The following LRRC45 variants were observed in gnomAD, a reference collection of about 807,000 sequenced individuals.
LRRC45 encodes leucine-rich repeat-containing protein 45.
In LRRC45, 73 loss-of-function variants were observed where a neutral mutation model predicts 85.4. That is an observed-to-expected ratio of 0.85 (90% CI 0.71 to 1.04). LRRC45 has a LOEUF of 1.04. Among genes scored for constraint, LRRC45 ranks in the 50% least tolerant of loss-of-function variants. LRRC45 has a pLI of 0.00. For missense variants in LRRC45, 937 were observed against 883.3 expected (o/e 1.06, Z -0.77); for synonymous variants, 429 against 386.0 (o/e 1.11, Z -1.31).
chr17:82,027,139 C>T (rs1165979960), intron 6 of LRRC45, 128 bp downstream of exon 6: 3 of 925,038 alleles, frequency 3.2e-6, no homozygotes, highest in Non-Finnish European at 5.0e-6. Context: ...CTCTGAGTGG[C>T]TGGTACCAGG....
Position 82,028,694 on chromosome 17 carries a change from C to T in LRRC45, c.1308+11C>T, listed in dbSNP as rs534518680. Reference sequence around the variant, plus strand: ...CTGCGCATCAAGGAGGTGCCCTCTTCGTTGGCCTCTAATGCGCCTCAGTCT... The same window carrying T: ...CTGCGCATCAAGGAGGTGCCCTCTTTGTTGGCCTCTAATGCGCCTCAGTCT... On this transcript the variant is annotated intron_variant, in intron 12 of 16. Coordinates refer to ENST00000306688, the MANE Select transcript of LRRC45 (RefSeq NM_144999.4). 2.6e-5 allele frequency: 42 copies of T among 1,608,852 alleles called. No homozygotes were observed. Among genetic ancestry groups the T allele is most frequent in the Admixed American group, 3.4e-5 (2 of 59,568 alleles).
In LRRC45 at chr17:82,030,777, C is replaced by A; in HGVS notation, c.1985C>A (p.Pro662His). Residue 662 changes from proline (P) to histidine (H), a missense_variant, in exon 17 of 17, where the codon CCC becomes CAC. By Grantham distance (77) the Pro-to-His change is moderately conservative. Coordinates refer to ENST00000306688, the MANE Select transcript of LRRC45 (RefSeq NM_144999.4). ...GTCCTGGCTTACGTGCAGGCGTCCCCCGTGAGGACCCTGAGCCCCCCAAAG... is the reference window on the plus strand; with the variant it reads ...GTCCTGGCTTACGTGCAGGCGTCCCACGTGAGGACCCTGAGCCCCCCAAAG... ...NAVLAYVQAS[P>H]VRTLSPPK The A allele has an allele frequency of 7.0e-7, 1 of 1,420,476 alleles. No individual in the cohort carries two copies. 88.0% of individuals were successfully genotyped at this position (1,420,476 alleles called of 1,614,324 possible).
At chr17:82,030,583 C>T in intron 16 of LRRC45, 26 bp from the exon 17 acceptor site, 1 of 1,460,686 alleles carries the variant, frequency 6.8e-7, no homozygotes, top group Non-Finnish European at 9.0e-7. Flanking sequence ...GGGCTGCGTC[C>T]GCTCACTGCG....
chr17:82,030,076 G>T lies in LRRC45; in HGVS notation c.1506G>T (p.Leu502=). The change falls in exon 15 of 17, where the codon CTG becomes CTT. Residue 502 remains leucine, a synonymous_variant. Transcript: ENST00000306688. ...SQARLEEQQR[L]AHLEDKLRLL... ...CCCTGTGCTCACAGCAACAGCGCCT[G>T]GCTCACCTGGAGGACAAGCTGAGAC... 6.5e-7 allele frequency: 1 copy of T among 1,545,094 alleles called. No homozygotes were observed. Among genetic ancestry groups the T allele is most frequent in the South Asian group, 1.2e-5 (1 of 83,966 alleles).
chr17:82,030,310 G>C lies in LRRC45; in HGVS notation c.1669-9G>C. On this transcript the variant is annotated splice_polypyrimidine_tract_variant and intron_variant, in intron 15 of 16. Transcript: ENST00000306688. ...CCTCGCCTCACTCCCCAGCCTTCGT[G>C]CCTGGCAGGAGCTGAGCCTCAAGGA... The C allele has an allele frequency of 6.5e-7, 1 of 1,547,926 alleles. No individual in the cohort carries two copies.
chr17:82,029,030 C>G (rs190973549), intron 12 of LRRC45, 63 bp from the exon 13 acceptor site: 1 of 1,463,038 alleles, frequency 6.8e-7, no homozygotes, highest in Admixed American at 1.9e-5. Flanking sequence ...GTGGGGAGTC[C>G]GTGAGGAGAA....
In LRRC45 at chr17:82,024,196, G is replaced by A. The variant is rs1324857250; in HGVS notation, c.221-82G>A. ...GACAGTTGTCCCTTCCTGGGTCTAG[G>A]GAGCTGCCCTGAAAAGGGGCCCACG... is the stretch of plus-strand genomic sequence containing the variant. On this transcript the variant is annotated intron_variant, in intron 1 of 16. Transcript: ENST00000306688. The A allele has an allele frequency of 3.3e-6, 5 of 1,498,514 alleles. No homozygotes were observed. The Admixed American group carries it at 9.2e-5, about 28-fold the overall frequency. 92.8% of individuals were successfully genotyped at this position (1,498,514 alleles called of 1,614,324 possible). A position where few individuals can be genotyped will look rare whatever the true frequency, so the allele number is the denominator to read the frequency against.
Position 82,030,437 on chromosome 17 carries a change from A to AGGCGGCGGCCCTGG in LRRC45, c.1788_1801dup (p.Glu601GlyfsTer9). The AGGCGGCGGCCCTGG allele has an allele frequency of 6.5e-7, 1 of 1,548,000 alleles. No homozygotes were observed. The highest frequency in any genetic ancestry group is 8.7e-7 in the Non-Finnish European group (1 of 1,147,096). On this transcript the variant is annotated frameshift_variant, in exon 16 of 17. Coordinates refer to ENST00000306688, the MANE Select transcript of LRRC45 (RefSeq NM_144999.4). LOFTEE classifies it high-confidence loss of function. Reference sequence around the variant, plus strand: ...GCGGCTCAGGAGGCGCTGAGGGAGAAGGCGGCGGCCCTGGAGCGCCAGCTG... The same window carrying AGGCGGCGGCCCTGG: ...GCGGCTCAGGAGGCGCTGAGGGAGAAGGCGGCGGCCCTGGGGCGGCGGCCCTGGAGCGCCAGCTG...
At chr17:82,027,799 C>T in intron 8 of LRRC45, 48 bp downstream of exon 8, 2 of 1,589,658 alleles carry the variant, frequency 1.3e-6, no homozygotes, top group Non-Finnish European at 1.7e-6. Flanking sequence ...GCCCACAGGG[C>T]AGAGAAAGGT....
intron 13 of LRRC45, 149 bp downstream of exon 13, chr17:82,029,334 G>A (rs917860686): frequency 1.1e-6 from 1 of 908,118 alleles, no homozygotes; most frequent in Non-Finnish European, 1.7e-6. Context: ...CCACCAGTGT[G>A]CCCAAGAAGC....
Position 82,023,514 on chromosome 17 carries a change from G to T in LRRC45, c.-130G>T. On this transcript the variant is annotated 5_prime_UTR_variant, in exon 1 of 17. Transcript: ENST00000306688. ...GACCTCCCGCCCGCGGAGCCCACTC[G>T]GATTGCTCTCCGCCCGGGTCGGCGG... 1 of 808,208 alleles carries T rather than the reference G, an allele frequency of 1.2e-6. No individual in the cohort carries two copies. Among genetic ancestry groups the T allele is most frequent in the Non-Finnish European group, 1.9e-6 (1 of 537,108 alleles). 50.1% of individuals were successfully genotyped at this position (808,208 alleles called of 1,614,324 possible).
intron 6 of LRRC45, 134 bp downstream of exon 6, chr17:82,027,145 C>T: frequency 3.3e-6 from 3 of 907,448 alleles, no homozygotes; most frequent in Non-Finnish European, 3.4e-6. Flanking sequence ...GTGGCTGGTA[C>T]CAGGAAGGAG....
rs2144143499 is a variant in LRRC45, at chr17:82,026,940, CAGG to C, written c.706_708del (p.Glu236del). 2 of 1,608,538 alleles carry C rather than the reference CAGG, an allele frequency of 1.2e-6. No individual in the cohort carries two copies. The highest frequency in any genetic ancestry group is 4.5e-5 in the East Asian group (2 of 44,752). ...CAGCCAGGACCGGCTCACCACCTTCCAGGAGAACCAAGCCCGCACTCACGTCCT... is the reference window on the plus strand; with the variant it reads ...CAGCCAGGACCGGCTCACCACCTTCCAGAACCAAGCCCGCACTCACGTCCT... On this transcript the variant is annotated inframe_deletion, in exon 6 of 17. Coordinates refer to ENST00000306688, the MANE Select transcript of LRRC45 (RefSeq NM_144999.4).
At chr17:82,030,539 G>A in intron 16 of LRRC45, 70 bp from the exon 17 acceptor site, 1 of 1,504,628 alleles carries the variant, frequency 6.6e-7, no homozygotes. Flanking sequence ...GGCTGGCCAG[G>A]TCTCCCGTGC....
chr17:82,030,118 G>T lies in LRRC45; in HGVS notation c.1548G>T (p.Arg516=), dbSNP rs369942853. Residue 516 remains arginine, a synonymous_variant, in exon 15 of 17, where the codon CGG becomes CGT. Coordinates refer to ENST00000306688, the MANE Select transcript of LRRC45 (RefSeq NM_144999.4). ...AGCTGAGACTGCTGGCGCAGGCACG[G>T]GACGAGGCGCAGGGCGCTTGCCTAC... The part of the protein sequence containing the change: ...EDKLRLLAQA[R]DEAQGACLQQ... 3.9e-6 allele frequency: 6 copies of T among 1,547,650 alleles called. No homozygotes were observed. Among genetic ancestry groups the T allele is most frequent in the Non-Finnish European group, 5.2e-6 (6 of 1,147,116 alleles).
rs76788690 is a variant in LRRC45 at position 82,024,827 on chromosome 17, G to T, written c.353+64G>T. The T allele has an allele frequency of 6.2e-3, 9,427 of 1,510,228 alleles. 515 individuals are homozygous for T. The African/African-American group carries it at 0.12, about 19-fold the overall frequency. The allele number at this position is 1,510,228 out of a possible 1,614,324, so 93.6% of individuals were successfully genotyped here. A position where few individuals can be genotyped will look rare whatever the true frequency, so the allele number is the denominator to read the frequency against. On this transcript the variant is annotated intron_variant, in intron 3 of 16. Transcript: ENST00000306688. ...GGTTGAGGATTGGCCCCGAGCACAT[G>T]CTTCTGCAGCCCAAGAGTTCCCCAT...
At position 82,024,720 on chromosome 17, in the gene LRRC45, G is replaced by A. The variant is rs767903626; in HGVS notation, c.310G>A (p.Glu104Lys). ...KGNNLRAAGA[E>K]ALGKLLQQNK... Reference sequence around the variant, plus strand: ...CAACAACCTTCGGGCTGCAGGGGCCGAGGCTCTGGGAAAACTCCTCCAACA... The same window carrying A: ...CAACAACCTTCGGGCTGCAGGGGCCAAGGCTCTGGGAAAACTCCTCCAACA... The change falls in exon 3 of 17, where the codon GAG becomes AAG. Residue 104 changes from glutamate (E) to lysine (K), a missense_variant. Glu to Lys is a moderately conservative substitution (Grantham distance 56, BLOSUM62 1). Transcript: ENST00000306688. 4 of 1,576,830 alleles carry A rather than the reference G, an allele frequency of 2.5e-6. No homozygotes were observed. Among genetic ancestry groups the A allele is most frequent in the African/African-American group, 2.7e-5 (2 of 72,966 alleles).
At chr17:82,025,571 G>A (rs561678970) in intron 5 of LRRC45, 64 bp downstream of exon 5, 26 of 1,464,506 alleles carry the variant, frequency 1.8e-5, no homozygotes, top group African/African-American at 4.2e-5. Context: ...CACCGAGGGC[G>A]GGGTGCCGGG....
At chr17:82,026,564 TTGTGTGTG>T (rs550616399) in intron 5 of LRRC45, among the ~76,000 whole-genome samples, 50 of 137,466 alleles carry the variant, frequency 3.6e-4, no homozygotes, top group African/African-American at 1.0e-3. Flanking sequence ...CACAGCTCCT[TTGTGTGTG>T]TGTGTGTGTG....
Sources: gnomAD v4.1 joint callset for allele counts (sites outside exome capture counted in the v4.1 genomes callset) on GRCh38, gnomAD v4.1.1 for gene constraint, MANE v1.5 for transcripts, NCBI Gene and HGNC (gene_info 2026-07-23, HGNC 2026-07-21) for gene names.